Variants in TAF3 observed in about 807,000 individuals in gnomAD.
The protein encoded by TAF3 is transcription initiation factor TFIID subunit 3.
Under a neutral mutation model 80.6 loss-of-function variants are expected in TAF3, and 7 were observed. That is an observed-to-expected ratio of 0.09 (90% CI 0.05 to 0.16). TAF3 has a LOEUF of 0.16. TAF3 is among the 10% of genes least tolerant of loss of function. The pLI, the probability that TAF3 is intolerant of heterozygous loss-of-function variation, is 1.00. For synonymous variants in TAF3, 444 were observed against 446.1 expected (o/e 1.00, Z 0.06); for missense variants, 921 against 1,140.2 (o/e 0.81, Z 2.77).
intron 2 of TAF3, among the ~76,000 whole-genome samples, chr10:7,847,848 A>G (rs1836987138): frequency 6.6e-6 from 1 of 151,978 alleles, no homozygotes; most frequent in Admixed American, 6.6e-5. Context: ...GCCCACCGCA[A>G]CCTCCACCTA....
chr10:7,833,983 G>T, intron 2 of TAF3: 2 of 247,758 alleles, frequency 8.1e-6, no homozygotes, highest in South Asian at 1.4e-4. Context: ...TCCGGCACAG[G>T]ACAACAGCCA....
intron 3 of TAF3, among the ~76,000 whole-genome samples, chr10:7,975,603 A>G (rs754412887): frequency 6.6e-6 from 1 of 152,206 alleles, no homozygotes; most frequent in Non-Finnish European, 1.5e-5. Context: ...GGGTTGGGGC[A>G]AGATAAGTTG....
At chr10:7,994,047 T>TC (rs1831860599) in intron 4 of TAF3, among the ~76,000 whole-genome samples, 1 of 127,358 alleles carries the variant, frequency 7.9e-6, no homozygotes, top group Non-Finnish European at 1.6e-5. Flanking sequence ...CTTTCTCTGC[T>TC]CCCCCTACCC....
intron 4 of TAF3, among the ~76,000 whole-genome samples, chr10:7,988,262 A>G (rs1831796928): frequency 6.6e-6 from 1 of 152,040 alleles, no homozygotes; most frequent in Non-Finnish European, 1.5e-5. Flanking sequence ...TAGTCTGGAC[A>G]ACATAGCAAG....
At chr10:7,949,172 G>A (rs1159157655) in intron 2 of TAF3, among the ~76,000 whole-genome samples, 5 of 152,260 alleles carry the variant, frequency 3.3e-5, no homozygotes, top group Non-Finnish European at 5.9e-5. Context: ...GAAGAACCTT[G>A]TGCTCACCAT....
chr10:7,980,328 T>C (rs893946344), intron 4 of TAF3, among the ~76,000 whole-genome samples: 4 of 152,228 alleles, frequency 2.6e-5, no homozygotes, highest in Admixed American at 2.0e-4. Flanking sequence ...AATAAAGCAG[T>C]TATGTCTTCT....
At position 7,871,435 on chromosome 10, in the gene TAF3, C is replaced by CTT. The variant is rs527356726; in HGVS notation, c.409+46899_409+46900dup. Among the ~76,000 whole-genome samples, 416 of 69,060 alleles carry CTT rather than the reference C, an allele frequency of 6.0e-3. 18 individuals are homozygous for CTT. The highest frequency in any genetic ancestry group is 0.026 in the Middle Eastern group (2 of 78). The allele number at this position is 69,060 out of a possible 152,430, so 45.3% of individuals were successfully genotyped here. On this transcript the variant is annotated intron_variant, in intron 2 of 6. Transcript: ENST00000344293. Reference sequence around the variant, plus strand: ...CTAAATTGATGACAAATAACTGCTGCTTTTTTTTTTTTTTTTTTTTTTTTT... The same window carrying CTT: ...CTAAATTGATGACAAATAACTGCTGCTTTTTTTTTTTTTTTTTTTTTTTTTTT...
intron 2 of TAF3, among the ~76,000 whole-genome samples, chr10:7,874,400 A>G (rs1410228118): frequency 1.3e-5 from 2 of 152,184 alleles, no homozygotes; most frequent in African/African-American, 4.8e-5. Flanking sequence ...AGTTATATAT[A>G]TCTTACCCCT....
intron 2 of TAF3, among the ~76,000 whole-genome samples, chr10:7,917,908 T>G (rs1837726644): frequency 2.0e-5 from 3 of 152,210 alleles, no homozygotes. Context: ...AAAGTCTGAC[T>G]GGAGAAGACC....
intron 4 of TAF3, among the ~76,000 whole-genome samples, chr10:7,983,948 A>G (rs1372205858): frequency 6.6e-6 from 1 of 152,242 alleles, no homozygotes; most frequent in Non-Finnish European, 1.5e-5. Flanking sequence ...GACATTTAAC[A>G]TTTTTAAATG....
chr10:7,938,340 A>G (rs1046642764), intron 2 of TAF3, among the ~76,000 whole-genome samples: 15 of 152,028 alleles, frequency 9.9e-5, no homozygotes, highest in African/African-American at 3.4e-4. Context: ...TGGACTCTTG[A>G]TGGTTATCAG....
chr10:7,880,892 G>A (rs918324585), intron 2 of TAF3, among the ~76,000 whole-genome samples: 3 of 152,162 alleles, frequency 2.0e-5, no homozygotes, highest in Non-Finnish European at 4.4e-5. Context: ...CAGCACATCT[G>A]TGTTTAGAGG....
intron 2 of TAF3, among the ~76,000 whole-genome samples, chr10:7,958,303 T>C (rs1838156448): frequency 6.6e-6 from 1 of 152,198 alleles, no homozygotes; most frequent in African/African-American, 2.4e-5. Context: ...AGATCAACTG[T>C]ATTTATTTGT....
Position 7,965,073 on chromosome 10 carries a change from AAAG to A in TAF3, c.1570_1572del (p.Lys524del), listed in dbSNP as rs774722539. 5.0e-6 allele frequency: 8 copies of A among 1,614,104 alleles called. No homozygotes were observed. The highest frequency in any genetic ancestry group is 3.3e-5 in the South Asian group (3 of 91,076). ...CCAAGCTGCCTTCCTCCGTGGAGGTAAAGAAGAAGTTGAAAAAGGAACTAAAGA... is the reference window on the plus strand; with the variant it reads ...CCAAGCTGCCTTCCTCCGTGGAGGTAAAGAAGTTGAAAAAGGAACTAAAGA... On this transcript the variant is annotated inframe_deletion, in exon 3 of 7. Coordinates refer to ENST00000344293, the MANE Select transcript of TAF3 (RefSeq NM_031923.4).
In TAF3 at chr10:7,984,619, T is replaced by C. The variant is rs1588576702; in HGVS notation, c.2315+7296T>C. Among the ~76,000 whole-genome samples, 8 of 152,340 alleles carry C rather than the reference T, an allele frequency of 5.3e-5. No homozygotes were observed. The South Asian group carries it at 1.4e-3, about 28-fold the overall frequency. ...TGGGTCCAGGTCTTATTAGTTCCCT[T>C]AGGTTTTAAAATATTTATGACCACC... On this transcript the variant is annotated intron_variant, in intron 4 of 6. Coordinates refer to ENST00000344293, the MANE Select transcript of TAF3 (RefSeq NM_031923.4).
intron 2 of TAF3, among the ~76,000 whole-genome samples, chr10:7,898,925 T>C (rs1837532537): frequency 1.3e-5 from 2 of 152,146 alleles, no homozygotes; most frequent in Non-Finnish European, 2.9e-5. Flanking sequence ...TCATGCGTAC[T>C]GTCAGGGATG....
chr10:7,855,541 A>G (rs1564348627), intron 2 of TAF3, among the ~76,000 whole-genome samples: 1 of 152,178 alleles, frequency 6.6e-6, no homozygotes, highest in African/African-American at 2.4e-5. Context: ...TCAAACCTAG[A>G]TAGGATACCC....
intron 3 of TAF3, among the ~76,000 whole-genome samples, chr10:7,973,503 G>C (rs944220542): frequency 6.6e-6 from 1 of 152,082 alleles, no homozygotes; most frequent in African/African-American, 2.4e-5. Flanking sequence ...TCTCAGTTTT[G>C]CTATTTGTGT....
intron 2 of TAF3, among the ~76,000 whole-genome samples, chr10:7,894,439 G>A (rs1199064768): frequency 6.6e-6 from 1 of 152,198 alleles, no homozygotes; most frequent in Non-Finnish European, 1.5e-5. Context: ...CTGGTGGAGA[G>A]GTGGTATCCA....
Sources: allele counts gnomAD v4.1 joint callset (sites outside exome capture counted in the v4.1 genomes callset), GRCh38; gene constraint gnomAD v4.1.1; transcripts MANE v1.5; gene names NCBI Gene and HGNC (gene_info 2026-07-23, HGNC 2026-07-21).